ZNF844: variants seen among roughly 807,000 people sequenced by gnomAD.
The protein encoded by ZNF844 is zinc finger protein 844.
Under a neutral mutation model 11.4 loss-of-function variants are expected in ZNF844, and 11 were observed. The ratio of observed to expected loss-of-function variants is 0.97; its 90% confidence interval spans 0.61 to 1.60. The LOEUF is 1.60. Among genes scored for constraint, ZNF844 ranks in the 40% most tolerant of loss-of-function variants. The pLI is 0.00. For missense variants in ZNF844, 790 were observed against 796.8 expected, an observed-to-expected ratio of 0.99 and a Z score of 0.10; for synonymous variants, 248 against 260.3, an observed-to-expected ratio of 0.95 and a Z score of 0.46.
Position 12,076,833 on chromosome 19 carries a change from T to G in ZNF844, c.1713T>G (p.Leu571=). 1 of 1,559,998 alleles carries G rather than the reference T, an allele frequency of 6.4e-7. No homozygotes were observed. The highest frequency in any genetic ancestry group is 8.7e-7 in the Non-Finnish European group (1 of 1,151,332). The part of the protein sequence containing the change: ...RNMEKHSTIS[L]PFKYMQQCTE... ...TGGAAAAGCATTCAACAATTTCTCT[T>G]CCTTTCAAATACATGCAACAATGCA... is the stretch of plus-strand genomic sequence containing the variant. The change falls in exon 4 of 4, where the codon CTT becomes CTG. Residue 571 remains leucine (L), a synonymous_variant. Transcript: ENST00000439326.
In ZNF844 at chr19:12,075,444, T is replaced by A. The variant is rs1975796800; in HGVS notation, c.324T>A (p.Cys108Ter). The A allele has an allele frequency of 8.7e-6, 14 of 1,612,654 alleles. No individual in the cohort carries two copies. The highest frequency in any genetic ancestry group is 1.2e-5 in the Non-Finnish European group (14 of 1,179,568). The change falls in exon 4 of 4, where the codon TGT becomes TGA. Residue 108 changes from cysteine to a stop codon, truncating the protein, a stop_gained. Transcript: ENST00000439326. LOFTEE classifies it low-confidence loss of function (END_TRUNC). ...PGVKSCESSV[C>*]GEVFVGHSSL... ...TAAAATCATGTGAAAGCAGTGTGTG[T>A]GGAGAAGTCTTCGTGGGTCATTCTT...
intron 1 of ZNF844, among the ~76,000 whole-genome samples, chr19:12,071,996 T>C (rs1340096811): frequency 6.6e-6 from 1 of 151,912 alleles, no homozygotes; most frequent in Admixed American, 6.6e-5. Context: ...CAAGCTGTTC[T>C]CTGCCTCAGC....
Position 12,076,252 on chromosome 19 carries a change from CG to C in ZNF844, c.1133del (p.Arg378LeufsTer5). The C allele has an allele frequency of 6.2e-7, 1 of 1,611,226 alleles. No individual in the cohort carries two copies. Among genetic ancestry groups the C allele is most frequent in the South Asian group, 1.1e-5 (1 of 90,734 alleles). On this transcript the variant is annotated frameshift_variant, in exon 4 of 4. Transcript: ENST00000439326. LOFTEE classifies it low-confidence loss of function (END_TRUNC). Reference protein sequence around the residue: ...TVEKPLILPVRFEDMKELTLE... With the variant: ...TVEKPLILPVXFEDMKELTLE... Reference sequence around the variant, plus strand: ...GGAAAAGCCTTTGATTCTCCCAGTTCGTTTTGAAGACATGAAAGAACTCACA... The same window carrying C: ...GGAAAAGCCTTTGATTCTCCCAGTTCTTTTGAAGACATGAAAGAACTCACA...
chr19:12,080,165 G>A lies in ZNF844; in HGVS notation c.*3044G>A, dbSNP rs1402437862. 4 of 184,270 alleles carry A rather than the reference G, an allele frequency of 2.2e-5. No individual in the cohort carries two copies. The highest frequency in any genetic ancestry group is 1.8e-4 in the East Asian group (1 of 5,692). 11.4% of individuals were successfully genotyped at this position (184,270 alleles called of 1,614,324 possible). On this transcript the variant is annotated 3_prime_UTR_variant, in exon 4 of 4. Transcript: ENST00000439326. ...AGATCAAGACCATCCTGGCTGACAC[G>A]GTGAAACCCCGTCTCTACTAAAAAA...
chr19:12,077,825 T>C lies in ZNF844; in HGVS notation c.*704T>C. 1 of 300,326 alleles carries C rather than the reference T, an allele frequency of 3.3e-6. No individual in the cohort carries two copies. The highest frequency in any genetic ancestry group is 6.5e-6 in the Non-Finnish European group (1 of 154,544). The allele number at this position is 300,326 out of a possible 1,614,324, so 18.6% of individuals were successfully genotyped here. A position where few individuals can be genotyped will look rare whatever the true frequency, so the allele number is the denominator to read the frequency against. On this transcript the variant is annotated 3_prime_UTR_variant, in exon 4 of 4. Coordinates refer to ENST00000439326, the MANE Select transcript of ZNF844 (RefSeq NM_001136501.3). ...TAGCAGCTGCATACTAACATGTTAT[T>C]CTGTATTTTTTTTTTCTTTTTGAGA...
rs192522666 is a variant in ZNF844 at position 12,074,504 on chromosome 19, G to A, written c.191+83G>A. The A allele has an allele frequency of 6.7e-4, 632 of 944,884 alleles. 3 individuals carry two copies. Among genetic ancestry groups the A allele is most frequent in the Middle Eastern group, 5.3e-3 (25 of 4,724 alleles). The allele number at this position is 944,884 out of a possible 1,614,324, so 58.5% of individuals were successfully genotyped here. On this transcript the variant is annotated intron_variant, in intron 3 of 3. Coordinates refer to ENST00000439326, the MANE Select transcript of ZNF844 (RefSeq NM_001136501.3). Reference sequence around the variant, plus strand: ...ATATGTTAAGAAGAAGCAAATAAAGGAAATATGCCTAGCATTAAATTTATT... The same window carrying A: ...ATATGTTAAGAAGAAGCAAATAAAGAAAATATGCCTAGCATTAAATTTATT...
In ZNF844 at chr19:12,075,627, T is replaced by C; in HGVS notation, c.507T>C (p.Tyr169=). The change falls in exon 4 of 4, where the codon TAT becomes TAC. Residue 169 remains tyrosine (Y), a synonymous_variant. Transcript: ENST00000439326. ...QEKAHTGEKL[Y]DCKECGKTFI... ...AGGCTCACACTGGAGAAAAACTCTA[T>C]GATTGTAAAGAATGTGGAAAAACCT... 6.2e-7 allele frequency: 1 copy of C among 1,613,110 alleles called. No homozygotes were observed. Among genetic ancestry groups the C allele is most frequent in the Non-Finnish European group, 8.5e-7 (1 of 1,179,734 alleles).
In ZNF844 at chr19:12,075,225, A is replaced by G. The variant is rs191547107; in HGVS notation, c.192-87A>G. 32 of 971,930 alleles carry G rather than the reference A, an allele frequency of 3.3e-5. No individual in the cohort carries two copies. The East Asian group carries it at 1.0e-3, about 30-fold the overall frequency. 60.2% of individuals were successfully genotyped at this position (971,930 alleles called of 1,614,324 possible). The stretch of plus-strand genomic sequence containing the variant: ...TATTAATAATAAAATAAAATAAAAT[A>G]AAATAAAATGCAAGTGTAATCCTTG... On this transcript the variant is annotated intron_variant, in intron 3 of 3. Coordinates refer to ENST00000439326, the MANE Select transcript of ZNF844 (RefSeq NM_001136501.3).
chr19:12,078,471 C>T lies in ZNF844; in HGVS notation c.*1350C>T, dbSNP rs1272018672. ...ATTGAGAAGCCATAATAAAATATCT[C>T]AGTGCCATCATGCATTAGATCAAGT... On this transcript the variant is annotated 3_prime_UTR_variant, in exon 4 of 4. Transcript: ENST00000439326. 6.6e-6 allele frequency: 1 copy of T among 152,168 alleles called. No homozygotes were observed. The highest frequency in any genetic ancestry group is 2.4e-5 in the African/African-American group (1 of 41,434). The allele number at this position is 152,168 out of a possible 1,614,324, so 9.4% of individuals were successfully genotyped here.
chr19:12,075,621 ACT>A lies in ZNF844; in HGVS notation c.504_505del (p.Tyr169Ter). ...AAGAAAAGGCTCACACTGGAGAAAA[ACT>A]CTATGATTGTAAAGAATGTGGAAAA... The part of the protein sequence containing the change: ...MQEKAHTGEK[L>X]YDCKECGKTF... On this transcript the variant is annotated frameshift_variant, in exon 4 of 4. Coordinates refer to ENST00000439326, the MANE Select transcript of ZNF844 (RefSeq NM_001136501.3). LOFTEE classifies it low-confidence loss of function (END_TRUNC). 6.2e-7 allele frequency: 1 copy of A among 1,612,634 alleles called. No individual in the cohort carries two copies. The highest frequency in any genetic ancestry group is 1.1e-5 in the South Asian group (1 of 90,790).
At chr19:12,074,993 C>T (rs1475632485) in intron 3 of ZNF844, among the ~76,000 whole-genome samples, 1 of 152,020 alleles carries the variant, frequency 6.6e-6, no homozygotes, top group African/African-American at 2.4e-5. Context: ...GCCATATGGT[C>T]CAGTCACCTT....
chr19:12,065,456 A>G (rs1389131307), intron 1 of ZNF844, among the ~76,000 whole-genome samples: 1 of 151,950 alleles, frequency 6.6e-6, no homozygotes, highest in East Asian at 2.0e-4. Context: ...TGTTGTTGTA[A>G]TCGCCTGAGG....
chr19:12,068,641 T>A (rs766523005), intron 1 of ZNF844, among the ~76,000 whole-genome samples: 6 of 152,112 alleles, frequency 3.9e-5, no homozygotes, highest in Admixed American at 1.3e-4. Context: ...TCAAAAAAAA[T>A]AAAAAATAAA....
intron 1 of ZNF844, among the ~76,000 whole-genome samples, chr19:12,071,441 T>C (rs1975751778): frequency 6.6e-6 from 1 of 152,260 alleles, no homozygotes; most frequent in Non-Finnish European, 1.5e-5. Context: ...TTAAAGAGTA[T>C]GCTTGTGTAA....
rs752533219 is a variant in ZNF844 at position 12,076,203 on chromosome 19, G to A, written c.1083G>A (p.Met361Ile). The A allele has an allele frequency of 2.2e-5, 35 of 1,593,050 alleles. No individual in the cohort carries two copies. The South Asian group carries it at 3.7e-4, about 17-fold the overall frequency. The part of the protein sequence containing the change: ...FQRHMKMHTR[M>I]RPYKCKTVEK... The stretch of plus-strand genomic sequence containing the variant: ...GACACATGAAAATGCACACTAGAAT[G>A]AGACCTTATAAATGTAAGACTGTGG... The change falls in exon 4 of 4, where the codon ATG becomes ATA. Residue 361 changes from methionine to isoleucine, a missense_variant. Transcript: ENST00000439326.
intron 1 of ZNF844, among the ~76,000 whole-genome samples, chr19:12,066,404 A>G (rs901344938): frequency 5.3e-5 from 8 of 151,894 alleles, no homozygotes; most frequent in African/African-American, 1.9e-4. Flanking sequence ...ATACCATAGC[A>G]AAATTCAGGC....
rs1165002298 is a variant in ZNF844 at position 12,075,878 on chromosome 19, A to T, written c.758A>T (p.Tyr253Phe). 1 of 1,611,568 alleles carries T rather than the reference A, an allele frequency of 6.2e-7. No individual in the cohort carries two copies. Among genetic ancestry groups the T allele is most frequent in the Admixed American group, 1.7e-5 (1 of 59,532 alleles). Reference sequence around the variant, plus strand: ...AGAACTCACACTGGAGAGAAGCCTTATGAATGTAAGGAATGTGGGAAAGCA... The same window carrying T: ...AGAACTCACACTGGAGAGAAGCCTTTTGAATGTAAGGAATGTGGGAAAGCA... ...HERTHTGEKP[Y>F]ECKECGKAFG... The change falls in exon 4 of 4, where the codon TAT becomes TTT. Residue 253 changes from tyrosine to phenylalanine, a missense_variant. Tyr to Phe is a conservative substitution (Grantham distance 22). Transcript: ENST00000439326.
intron 2 of ZNF844, 64 bp from the exon 3 acceptor site, chr19:12,074,297 A>G (rs1434777610): frequency 2.7e-6 from 4 of 1,490,900 alleles, no homozygotes; most frequent in Non-Finnish European, 3.6e-6. Flanking sequence ...GTGAACATAG[A>G]ATCTAATCAT....
intron 1 of ZNF844, 136 bp from the exon 2 acceptor site, chr19:12,073,895 G>A (rs1473643195): frequency 1.7e-6 from 2 of 1,154,190 alleles, no homozygotes; most frequent in Non-Finnish European, 2.4e-6. Context: ...TAGACAGAGA[G>A]TAATGGGTCA....
Sources: gnomAD v4.1 joint callset for allele counts (sites outside exome capture counted in the v4.1 genomes callset) on GRCh38, gnomAD v4.1.1 for gene constraint, MANE v1.5 for transcripts, NCBI Gene and HGNC (gene_info 2026-07-23, HGNC 2026-07-21) for gene names.